The following DCDC2 variants were observed in gnomAD, a reference collection of about 807,000 sequenced individuals.
DCDC2 encodes the protein doublecortin domain containing 2.
In DCDC2, 40 loss-of-function variants were observed where a neutral mutation model predicts 50.2. The ratio of observed to expected loss-of-function variants is 0.80; its 90% CI spans 0.62 to 1.04. DCDC2 has a LOEUF of 1.04. Among genes scored for constraint, DCDC2 ranks in the 50% least tolerant of loss-of-function variants. The pLI is 0.00. For synonymous variants in DCDC2, 234 were observed against 210.6 expected (o/e 1.11, Z -0.96); for missense variants, 570 against 581.9 (o/e 0.98, Z 0.21).
intron 7 of DCDC2, among the ~76,000 whole-genome samples, chr6:24,237,009 CA>C (rs34576545): frequency 8.3e-5 from 12 of 143,938 alleles, no homozygotes; most frequent in South Asian, 2.2e-4. Flanking sequence ...AGCTCTGACT[CA>C]AAAAAAAAAA....
At chr6:24,220,392 C>CA (rs1240884130) in intron 7 of DCDC2, among the ~76,000 whole-genome samples, 3 of 151,936 alleles carry the variant, frequency 2.0e-5, no homozygotes, top group African/African-American at 4.8e-5. Flanking sequence ...TTAACAACAA[C>CA]AAAAAAACAA....
Position 24,268,972 on chromosome 6 carries a change from C to G in DCDC2, c.922+9077G>C, listed in dbSNP as rs1233558040. 2.0e-5 allele frequency among the ~76,000 whole-genome samples: 3 copies of G among 152,190 alleles called. No individual in the cohort carries two copies. The East Asian group carries it at 5.8e-4, about 29-fold the overall frequency. On this transcript the variant is annotated intron_variant, in intron 7 of 9. Coordinates refer to ENST00000378454, the MANE Select transcript of DCDC2 (RefSeq NM_016356.5). Reference sequence around the variant, plus strand: ...GTATAAAATAAGAATAAATGGGTAGCTTTAAACCTACAAAGCTCAAAGGTA... The same window carrying G: ...GTATAAAATAAGAATAAATGGGTAGGTTTAAACCTACAAAGCTCAAAGGTA...
chr6:24,229,861 G>A (rs1307789894), intron 7 of DCDC2, among the ~76,000 whole-genome samples: 1 of 151,666 alleles, frequency 6.6e-6, no homozygotes, highest in African/African-American at 2.4e-5. Context: ...GAGTGTAGAA[G>A]TCAGAGGGTG....
Position 24,347,413 on chromosome 6 carries a change from G to C in DCDC2, c.348+6156C>G, listed in dbSNP as rs576499047. ...AATAAATATAGTCAGCCCTCATATG[G>C]ATAAGTTCTGCACCCACAGATTCAA... On this transcript the variant is annotated intron_variant, in intron 2 of 9. Transcript: ENST00000378454. Among the ~76,000 whole-genome samples the C allele has an allele frequency of 3.9e-5, 6 of 152,118 alleles. No homozygotes were observed. The South Asian group carries it at 1.0e-3, about 26-fold the overall frequency.
chr6:24,195,885 G>A (rs1483562113), intron 8 of DCDC2, among the ~76,000 whole-genome samples: 2 of 152,190 alleles, frequency 1.3e-5, no homozygotes, highest in African/African-American at 2.4e-5. Flanking sequence ...AATCACAACA[G>A]ACCCATGGAG....
At chr6:24,369,059 G>A in the DCDC2 span, among the ~76,000 whole-genome samples, 6 of 149,644 alleles carry the variant, frequency 4.0e-5, no homozygotes, top group East Asian at 2.0e-4. Flanking sequence ...GCTTGAACCC[G>A]GGAGGTGGAG....
intron 2 of DCDC2, among the ~76,000 whole-genome samples, chr6:24,328,653 C>T (rs1561776778): frequency 6.6e-6 from 1 of 152,160 alleles, no homozygotes; most frequent in Non-Finnish European, 1.5e-5. Context: ...TTAACCCACC[C>T]TCAATGGTCC....
intron 7 of DCDC2, among the ~76,000 whole-genome samples, chr6:24,238,895 G>A (rs1581604998): frequency 1.3e-5 from 2 of 152,310 alleles, no homozygotes; most frequent in Non-Finnish European, 2.9e-5. Context: ...TGTCCTGTGA[G>A]AACATGAGCT....
chr6:24,283,589 C>T (rs936226500), intron 6 of DCDC2, among the ~76,000 whole-genome samples: 2 of 152,164 alleles, frequency 1.3e-5, no homozygotes, highest in African/African-American at 2.4e-5. Context: ...GGTGCTTTCC[C>T]CATGGATTTT....
chr6:24,284,627 AAAT>A (rs1473943000), intron 6 of DCDC2, among the ~76,000 whole-genome samples: 6 of 146,852 alleles, frequency 4.1e-5, no homozygotes, highest in African/African-American at 1.0e-4. Flanking sequence ...AAAAAAAAAA[AAAT>A]TTTTTTTGAA....
chr6:24,302,264 A>T (rs1439463699), intron 2 of DCDC2, among the ~76,000 whole-genome samples: 1 of 149,364 alleles, frequency 6.7e-6, no homozygotes, highest in Non-Finnish European at 1.5e-5. Flanking sequence ...AATTTCCCTT[A>T]AGCCCTAGGC....
Position 24,197,662 on chromosome 6 carries a change from C to T in DCDC2, c.1023+7340G>A, listed in dbSNP as rs116390948. 4.1e-3 allele frequency among the ~76,000 whole-genome samples: 626 copies of T among 152,226 alleles called. 2 individuals carry two copies. Among genetic ancestry groups the T allele is most frequent in the South Asian group, 0.028 (137 of 4,826 alleles). ...CACGTTAGGCTTTTCATCAGGAAGA[C>T]GACACTTGCAGAAAATGCCTGTGGA... is the stretch of plus-strand genomic sequence containing the variant. On this transcript the variant is annotated intron_variant, in intron 8 of 9. Coordinates refer to ENST00000378454, the MANE Select transcript of DCDC2 (RefSeq NM_016356.5).
chr6:24,362,176 A>G (rs1760674943), upstream of DCDC2, among the ~76,000 whole-genome samples: 1 of 149,456 alleles, frequency 6.7e-6, no homozygotes. Context: ...TTTCAATGTA[A>G]TTTATTTAAT....
intron 1 of DCDC2, among the ~76,000 whole-genome samples, chr6:24,355,649 A>AG (rs1192298905): frequency 2.0e-5 from 3 of 152,302 alleles, no homozygotes; most frequent in Admixed American, 6.5e-5. Flanking sequence ...CCTGGTTTTA[A>AG]GTTTCCTTTA....
chr6:24,177,907 TAGAG>T (rs1442950802), intron 9 of DCDC2, among the ~76,000 whole-genome samples: 6 of 152,250 alleles, frequency 3.9e-5, no homozygotes, highest in Admixed American at 3.9e-4. Context: ...TCACTCATAA[TAGAG>T]AAAGTATTCC....
In DCDC2 at chr6:24,327,479, T is replaced by TTG. The variant is rs1554119357; in HGVS notation, c.349-25436_349-25435insCA. Among the ~76,000 whole-genome samples the TTG allele has an allele frequency of 7.5e-3, 973 of 130,232 alleles. 24 individuals are homozygous for TTG. Among genetic ancestry groups the TTG allele is most frequent in the African/African-American group, 0.034 (892 of 26,278 alleles). 85.4% of individuals were successfully genotyped at this position (130,232 alleles called of 152,430 possible). On this transcript the variant is annotated intron_variant, in intron 2 of 9. Transcript: ENST00000378454. ...TTATTTATTTATTTATTTATTTATT[T>TTG]ATTTATTGGCTGATACGGAGTTTTG...
chr6:24,290,307 A>G (rs572065866), intron 5 of DCDC2, among the ~76,000 whole-genome samples: 81 of 152,118 alleles, frequency 5.3e-4, no homozygotes, highest in African/African-American at 1.9e-3. Context: ...GCTCTTCTTG[A>G]GTGACTCCGC....
chr6:24,263,931 A>G (rs1263828710), intron 7 of DCDC2, among the ~76,000 whole-genome samples: 1 of 152,194 alleles, frequency 6.6e-6, no homozygotes, highest in Non-Finnish European at 1.5e-5. Flanking sequence ...ACCTCAAGAC[A>G]TTTAATAATC....
intron 2 of DCDC2, among the ~76,000 whole-genome samples, chr6:24,337,378 A>T (rs1210127522): frequency 1.3e-5 from 2 of 152,180 alleles, no homozygotes; most frequent in African/African-American, 4.8e-5. Context: ...TATTGGAAAC[A>T]TTCAACATAA....
Sources: allele counts gnomAD v4.1 joint callset (sites outside exome capture counted in the v4.1 genomes callset), GRCh38; gene constraint gnomAD v4.1.1; transcripts MANE v1.5; gene names NCBI Gene and HGNC (gene_info 2026-07-23, HGNC 2026-07-21).